Variants in GPHN observed in about 807,000 individuals in gnomAD.
GPHN encodes the protein gephyrin.
A neutral mutation model predicts 95.5 loss-of-function variants in GPHN; 17 were observed. The ratio of observed to expected loss-of-function variants is 0.18; its 90% confidence interval spans 0.12 to 0.27. The LOEUF (loss-of-function observed/expected upper bound fraction) is 0.27, where lower values mean the gene tolerates loss of function less well. GPHN is among the 10% of genes least tolerant of loss of function. GPHN has a pLI of 1.00. For missense variants in GPHN, 660 were observed against 978.1 expected, an observed-to-expected ratio of 0.67 and a Z score of 4.34; for synonymous variants, 320 against 322.5, an observed-to-expected ratio of 0.99 and a Z score of 0.08.
intron 1 of GPHN, among the ~76,000 whole-genome samples, chr14:66,675,633 T>C: frequency 6.6e-6 from 1 of 152,182 alleles, no homozygotes; most frequent in South Asian, 2.1e-4. Context: ...GTTCCGTTTG[T>C]CTATTTTTGT....
At chr14:66,669,269 C>A (rs570137439) in intron 1 of GPHN, among the ~76,000 whole-genome samples, 1 of 150,630 alleles carries the variant, frequency 6.6e-6, no homozygotes, top group South Asian at 2.1e-4. Flanking sequence ...GAGGCTGAGG[C>A]GGGAGAATCG....
At chr14:67,030,656 C>T (rs573902728) in intron 10 of GPHN, among the ~76,000 whole-genome samples, 1 of 152,272 alleles carries the variant, frequency 6.6e-6, no homozygotes, top group South Asian at 2.1e-4. Flanking sequence ...AAGTGCCCCT[C>T]CCAAGTTCTT....
chr14:67,366,945 G>T, the GPHN span, among the ~76,000 whole-genome samples: 4 of 152,030 alleles, frequency 2.6e-5, no homozygotes, highest in Admixed American at 2.6e-4. Flanking sequence ...GGTCTTATTG[G>T]CTTTAGAACT....
At chr14:66,855,437 C>T (rs1311327282) in intron 4 of GPHN, among the ~76,000 whole-genome samples, 1 of 152,102 alleles carries the variant, frequency 6.6e-6, no homozygotes, top group Non-Finnish European at 1.5e-5. Context: ...TCAGTTCATG[C>T]ATGTTGTAGT....
chr14:67,367,473 C>T, the GPHN span, among the ~76,000 whole-genome samples: 2 of 152,224 alleles, frequency 1.3e-5, no homozygotes, highest in South Asian at 2.1e-4. Flanking sequence ...TTGTGATCCA[C>T]CCGCCTTGGC....
intron 1 of GPHN, among the ~76,000 whole-genome samples, chr14:66,581,378 T>A (rs1410570505): frequency 6.6e-6 from 1 of 151,824 alleles, no homozygotes; most frequent in Non-Finnish European, 1.5e-5. Flanking sequence ...AACCTCTTGA[T>A]CACTATAACG....
At chr14:67,428,254 C>A in the GPHN span, among the ~76,000 whole-genome samples, 5 of 152,102 alleles carry the variant, frequency 3.3e-5, no homozygotes, top group Non-Finnish European at 5.9e-5. Context: ...ATGCCCAGAC[C>A]CCCATGGTCA....
the GPHN span, among the ~76,000 whole-genome samples, chr14:67,321,990 A>G: frequency 1.3e-5 from 2 of 152,328 alleles, no homozygotes; most frequent in African/African-American, 4.8e-5. Context: ...ATCACAGTGA[A>G]TGCTTGGTTG....
At chr14:67,570,960 G>A in the GPHN span, 1 of 152,220 alleles carries the variant, frequency 6.6e-6, no homozygotes, top group Non-Finnish European at 1.5e-5. Flanking sequence ...TTGACCTTGT[G>A]ATCCGCCTGC....
At chr14:67,583,711 G>A in the GPHN span, 9 of 1,586,104 alleles carry the variant, frequency 5.7e-6, no homozygotes, top group Non-Finnish European at 7.7e-6. Context: ...GTCAGATTTT[G>A]ACTGGTCTCT....
At chr14:67,200,251 C>A in the GPHN span, 1 of 895,918 alleles carries the variant, frequency 1.1e-6, no homozygotes, top group Non-Finnish European at 1.7e-6. Context: ...GGCTACCAGC[C>A]TCTCCCTCCA....
the GPHN span, chr14:67,204,844 A>G: frequency 1.9e-6 from 3 of 1,613,998 alleles, no homozygotes; most frequent in Non-Finnish European, 2.5e-6. Context: ...GTATGCAGGT[A>G]CAGGCCCTGA....
intron 1 of GPHN, among the ~76,000 whole-genome samples, chr14:66,669,676 T>C (rs1485322768): frequency 2.6e-5 from 4 of 152,142 alleles, no homozygotes; most frequent in Non-Finnish European, 4.4e-5. Context: ...AGCTTGCTGA[T>C]TGTTTTCGCA....
At chr14:67,312,923 CT>C in the GPHN span, among the ~76,000 whole-genome samples, 4 of 152,118 alleles carry the variant, frequency 2.6e-5, no homozygotes. Context: ...TTATGTATAA[CT>C]TCAGCCAATC....
chr14:66,982,615 C>T (rs938073810), intron 9 of GPHN, among the ~76,000 whole-genome samples: 6 of 152,066 alleles, frequency 3.9e-5, no homozygotes, highest in African/African-American at 1.4e-4. Context: ...TGGTAAAATA[C>T]TTGTCAAAAG....
chr14:67,382,757 A>C, the GPHN span: 2 of 692,640 alleles, frequency 2.9e-6, no homozygotes, highest in Non-Finnish European at 4.9e-6. Flanking sequence ...GCCAGGGGGA[A>C]GGGAATAAAC....
chr14:67,600,366 G>A, the GPHN span: 2 of 581,140 alleles, frequency 3.4e-6, no homozygotes, highest in East Asian at 6.6e-5. Flanking sequence ...GGGGGCTGAT[G>A]GTTGTGCGTT....
chr14:66,839,015 C>A (rs1423081019), intron 4 of GPHN, among the ~76,000 whole-genome samples: 5 of 152,134 alleles, frequency 3.3e-5, no homozygotes, highest in African/African-American at 9.7e-5. Flanking sequence ...GTATTATTTT[C>A]TTATATTGAA....
chr14:67,382,317 G>A, the GPHN span: 1 of 745,826 alleles, frequency 1.3e-6, no homozygotes, highest in Non-Finnish European at 2.1e-6. Flanking sequence ...CTAAATTACT[G>A]TCCTGTAGAA....
Sources: gnomAD v4.1 joint callset for allele counts (sites outside exome capture counted in the v4.1 genomes callset) on GRCh38, gnomAD v4.1.1 for gene constraint, MANE v1.5 for transcripts, NCBI Gene and HGNC (gene_info 2026-07-23, HGNC 2026-07-21) for gene names.